GALNTL6: variants seen among roughly 807,000 people sequenced by gnomAD.
GALNTL6 encodes polypeptide N-acetylgalactosaminyltransferase like 6, also known as polypeptide N-acetylgalactosaminyltransferase-like 6.
A neutral mutation model predicts 73.7 loss-of-function variants in GALNTL6; 46 were observed. The ratio of observed to expected loss-of-function variants is 0.62; its 90% confidence interval spans 0.49 to 0.80. The LOEUF (loss-of-function observed/expected upper bound fraction) is 0.80. Ranked by LOEUF, GALNTL6 falls within the 30% of genes least tolerant of loss-of-function variation. GALNTL6 has a pLI of 0.00. For missense variants in GALNTL6, 604 were observed against 755.0 expected (o/e 0.80, Z 2.34); for synonymous variants, 259 against 263.7 (o/e 0.98, Z 0.17).
At chr4:172,034,206 C>T (rs774158175) in intron 2 of GALNTL6, among the ~76,000 whole-genome samples, 31 of 152,166 alleles carry the variant, frequency 2.0e-4, no homozygotes, top group Non-Finnish European at 4.1e-4. Context: ...GACTAACCTC[C>T]CCTGTGCCTG....
intron 2 of GALNTL6, among the ~76,000 whole-genome samples, chr4:171,943,758 T>C (rs971308166): frequency 2.4e-4 from 37 of 152,178 alleles, no homozygotes; most frequent in Admixed American, 5.2e-4. Flanking sequence ...TAATCACTTC[T>C]GAGTTAATGT....
In GALNTL6 at chr4:172,753,765, GT is replaced by G. The variant is rs558400334; in HGVS notation, c.554-55595del. 2.3e-3 allele frequency among the ~76,000 whole-genome samples: 351 copies of G among 152,270 alleles called. 6 individuals carry two copies. The highest frequency in any genetic ancestry group is 1.6e-3 in the Non-Finnish European group (109 of 68,026). On this transcript the variant is annotated intron_variant, in intron 5 of 12. Coordinates refer to ENST00000506823, the MANE Select transcript of GALNTL6 (RefSeq NM_001034845.3). ...AGATTAGTTTGCTAGGCAGTTTAGTGTCTGGAGAAGCTAAGCAAAATATTGT... is the reference window on the plus strand; with the variant it reads ...AGATTAGTTTGCTAGGCAGTTTAGTGCTGGAGAAGCTAAGCAAAATATTGT...
At chr4:172,374,949 G>A (rs1179145700) in intron 5 of GALNTL6, among the ~76,000 whole-genome samples, 2 of 152,166 alleles carry the variant, frequency 1.3e-5, no homozygotes, top group Non-Finnish European at 2.9e-5. Flanking sequence ...AAATCAGAGA[G>A]GGAGAAGGGG....
At chr4:172,893,037 C>T (rs1035254493) in intron 8 of GALNTL6, among the ~76,000 whole-genome samples, 6 of 152,180 alleles carry the variant, frequency 3.9e-5, no homozygotes, top group Admixed American at 2.6e-4. Flanking sequence ...GTGGCACCCA[C>T]GGCCTGCTGT....
intron 2 of GALNTL6, among the ~76,000 whole-genome samples, chr4:171,995,448 A>G (rs1560876962): frequency 6.6e-6 from 1 of 152,066 alleles, no homozygotes. Flanking sequence ...ATTATTCTGT[A>G]CAGAATTTGC....
chr4:172,306,004 G>A (rs1049224441), intron 3 of GALNTL6, among the ~76,000 whole-genome samples: 1 of 152,086 alleles, frequency 6.6e-6, no homozygotes, highest in African/African-American at 2.4e-5. Context: ...AGAATCTAAA[G>A]GCTCAGCACT....
At chr4:171,854,891 C>G (rs921459675) in intron 2 of GALNTL6, among the ~76,000 whole-genome samples, 1 of 152,186 alleles carries the variant, frequency 6.6e-6, no homozygotes. Context: ...TGCAGACATA[C>G]CCTTTCCATC....
intron 5 of GALNTL6, among the ~76,000 whole-genome samples, chr4:172,753,866 A>C (rs900619549): frequency 6.6e-6 from 1 of 152,144 alleles, no homozygotes; most frequent in East Asian, 1.9e-4. Context: ...AAATCTGTGG[A>C]AGATTTAGTA....
intron 5 of GALNTL6, among the ~76,000 whole-genome samples, chr4:172,491,975 C>A (rs1448005458): frequency 6.6e-6 from 1 of 152,106 alleles, no homozygotes; most frequent in Non-Finnish European, 1.5e-5. Flanking sequence ...AAATTTCATT[C>A]ATTCATTTAT....
chr4:172,655,302 T>A (rs553130127), intron 5 of GALNTL6, among the ~76,000 whole-genome samples: 22 of 152,302 alleles, frequency 1.4e-4, no homozygotes, highest in Admixed American at 6.5e-4. Context: ...ATGCCATATG[T>A]CCAACTTATG....
intron 12 of GALNTL6, among the ~76,000 whole-genome samples, chr4:173,030,762 G>A (rs149864906): frequency 0.01 from 1,528 of 150,928 alleles, 19 homozygotes; most frequent in Non-Finnish European, 0.015. Flanking sequence ...CGAGGCATTT[G>A]AGAGGCCAAG....
intron 2 of GALNTL6, among the ~76,000 whole-genome samples, chr4:171,871,158 T>C (rs1578928059): frequency 6.6e-6 from 1 of 152,022 alleles, no homozygotes; most frequent in Non-Finnish European, 1.5e-5. Flanking sequence ...TTGTGGGGAG[T>C]ATGTAATGAT....
intron 7 of GALNTL6, among the ~76,000 whole-genome samples, chr4:172,879,059 G>A (rs1314027365): frequency 6.6e-6 from 1 of 151,560 alleles, no homozygotes; most frequent in African/African-American, 2.4e-5. Flanking sequence ...AATTCATCAA[G>A]AACAACAACA....
intron 2 of GALNTL6, among the ~76,000 whole-genome samples, chr4:171,816,768 A>G (rs1734536998): frequency 6.6e-6 from 1 of 152,022 alleles, no homozygotes; most frequent in South Asian, 2.1e-4. Flanking sequence ...GAAACAGTTC[A>G]TTTTCATTGG....
chr4:172,393,352 C>T (rs1743735274), intron 5 of GALNTL6, among the ~76,000 whole-genome samples: 1 of 152,142 alleles, frequency 6.6e-6, no homozygotes, highest in Admixed American at 6.5e-5. Context: ...CAAAGTGCCT[C>T]CTCTGCTTCT....
intron 5 of GALNTL6, among the ~76,000 whole-genome samples, chr4:172,392,090 G>A (rs1743683354): frequency 6.6e-6 from 1 of 152,154 alleles, no homozygotes; most frequent in Non-Finnish European, 1.5e-5. Context: ...CTGGGTTCAA[G>A]CGATTCTCCT....
At chr4:172,188,025 A>G (rs1056754383) in intron 2 of GALNTL6, among the ~76,000 whole-genome samples, 1 of 152,204 alleles carries the variant, frequency 6.6e-6, no homozygotes, top group Non-Finnish European at 1.5e-5. Flanking sequence ...GGCTTAGGCC[A>G]GTTCATCATT....
In GALNTL6 at chr4:172,677,302, T is replaced by C. The variant is rs1458112987; in HGVS notation, c.554-132059T>C. 4.6e-5 allele frequency among the ~76,000 whole-genome samples: 7 copies of C among 152,248 alleles called. 1 individual carries two copies. Among genetic ancestry groups the C allele is most frequent in the Admixed American group, 3.9e-4 (6 of 15,274 alleles). ...ATTTTAATAAGTGGAAATGTGTGAT[T>C]GTGTTGACCTCTGACCCAATTCGGC... is the stretch of plus-strand genomic sequence containing the variant. On this transcript the variant is annotated intron_variant, in intron 5 of 12. Transcript: ENST00000506823.
At chr4:172,735,951 G>A (rs1185794616) in intron 5 of GALNTL6, among the ~76,000 whole-genome samples, 1 of 152,146 alleles carries the variant, frequency 6.6e-6, no homozygotes, top group Non-Finnish European at 1.5e-5. Flanking sequence ...TTTTATTAGG[G>A]TTTTCAAAAG....
Sources: allele counts gnomAD v4.1 joint callset (sites outside exome capture counted in the v4.1 genomes callset), GRCh38; gene constraint gnomAD v4.1.1; transcripts MANE v1.5; gene names NCBI Gene and HGNC (gene_info 2026-07-23, HGNC 2026-07-21).